HACD2: variants seen among roughly 807,000 people sequenced by gnomAD.
HACD2 encodes the protein 3-hydroxyacyl-CoA dehydratase 2, also known as very-long-chain (3R)-3-hydroxyacyl-CoA dehydratase 2.
Under a neutral mutation model 31.0 loss-of-function variants are expected in HACD2, and 15 were observed. The observed-to-expected ratio is 0.48, with a 90% CI of 0.32 to 0.75. The LOEUF (loss-of-function observed/expected upper bound fraction) is 0.75, where lower values mean the gene tolerates loss of function less well. Among genes scored for constraint, HACD2 ranks in the 30% least tolerant of loss-of-function variants. HACD2 has a pLI of 0.03. For missense variants in HACD2, 283 were observed against 313.0 expected (o/e 0.90, Z 0.72); for synonymous variants, 115 against 122.2 (o/e 0.94, Z 0.39).
intron 4 of HACD2, among the ~76,000 whole-genome samples, chr3:123,507,979 A>C (rs1211693155): frequency 6.6e-6 from 1 of 151,720 alleles, no homozygotes; most frequent in East Asian, 1.9e-4. Context: ...TGTGCAACAT[A>C]GTGAGACCCC....
intron 2 of HACD2, among the ~76,000 whole-genome samples, chr3:123,569,847 G>C (rs1165980008): frequency 1.3e-5 from 2 of 151,770 alleles, no homozygotes; most frequent in Admixed American, 1.3e-4. Flanking sequence ...AAATTAGCTG[G>C]GCATAGTGGC....
At chr3:123,541,385 G>T (rs575782193) in intron 3 of HACD2, among the ~76,000 whole-genome samples, 1 of 152,176 alleles carries the variant, frequency 6.6e-6, no homozygotes, top group Non-Finnish European at 1.5e-5. Context: ...ACCAGCGATC[G>T]CAGGATTTCA....
intron 3 of HACD2, among the ~76,000 whole-genome samples, chr3:123,566,752 C>T (rs559117053): frequency 3.1e-4 from 47 of 152,172 alleles, no homozygotes; most frequent in African/African-American, 1.1e-3. Context: ...CAAAAATTAG[C>T]CAGGCATGGT....
chr3:123,555,476 TA>T (rs11377880), intron 3 of HACD2, among the ~76,000 whole-genome samples: 2 of 150,998 alleles, frequency 1.3e-5, no homozygotes, highest in South Asian at 2.1e-4. Context: ...ATTTTAAAGT[TA>T]AAAAAAAATC....
chr3:123,580,091 A>G (rs1194414232), intron 2 of HACD2, among the ~76,000 whole-genome samples: 5 of 151,622 alleles, frequency 3.3e-5, no homozygotes, highest in Non-Finnish European at 7.4e-5. Context: ...GACACTATTG[A>G]AATTCCTCTG....
intron 2 of HACD2, among the ~76,000 whole-genome samples, chr3:123,581,599 T>C (rs988072645): frequency 6.6e-6 from 1 of 152,244 alleles, no homozygotes; most frequent in African/African-American, 2.4e-5. Context: ...TTCTCATTCC[T>C]GAGCTAGTTT....
At chr3:123,564,388 G>T (rs1274601888) in intron 3 of HACD2, among the ~76,000 whole-genome samples, 2 of 152,160 alleles carry the variant, frequency 1.3e-5, no homozygotes, top group Non-Finnish European at 2.9e-5. Context: ...TAAGGGACAA[G>T]GAAAGAAAGA....
intron 1 of HACD2, among the ~76,000 whole-genome samples, chr3:123,583,719 T>C (rs2056990456): frequency 1.3e-5 from 2 of 152,136 alleles, no homozygotes; most frequent in Non-Finnish European, 2.9e-5. Context: ...ATTTGTCTTA[T>C]TTTAAAAAGG....
At chr3:123,509,933 A>G (rs960029378) in intron 4 of HACD2, among the ~76,000 whole-genome samples, 6 of 152,182 alleles carry the variant, frequency 3.9e-5, no homozygotes, top group Admixed American at 1.3e-4. Flanking sequence ...AAGAACATGT[A>G]TAGGTAGGTT....
At chr3:123,543,537 C>T (rs1337214388) in intron 3 of HACD2, among the ~76,000 whole-genome samples, 1 of 152,132 alleles carries the variant, frequency 6.6e-6, no homozygotes, top group Admixed American at 6.5e-5. Flanking sequence ...TCACTTTCCA[C>T]TGCATACCCT....
chr3:123,506,158 T>C (rs556199986), intron 4 of HACD2, among the ~76,000 whole-genome samples: 3 of 152,382 alleles, frequency 2.0e-5, no homozygotes, highest in Non-Finnish European at 4.4e-5. Flanking sequence ...ATAATCTTCT[T>C]AAAAATAATT....
chr3:123,510,491 GC>G (rs549467376), intron 4 of HACD2, among the ~76,000 whole-genome samples: 1 of 152,144 alleles, frequency 6.6e-6, no homozygotes, highest in African/African-American at 2.4e-5. Context: ...CACATGATCT[GC>G]CCGCCTTGGC....
rs372116002 is a variant in HACD2 at position 123,510,037 on chromosome 3, A to C, written c.382-7356T>G. 3.2e-4 allele frequency among the ~76,000 whole-genome samples: 48 copies of C among 152,306 alleles called. 1 individual carries two copies. The East Asian group carries it at 3.7e-3, about 12-fold the overall frequency. On this transcript the variant is annotated intron_variant, in intron 4 of 6. Coordinates refer to ENST00000383657, the MANE Select transcript of HACD2 (RefSeq NM_198402.5). ...TATCATTTAACAGTTTTAAGTGCAT[A>C]ATTCGTTGGAATTAAGTACATTCAC... is the stretch of plus-strand genomic sequence containing the variant.
intron 3 of HACD2, among the ~76,000 whole-genome samples, chr3:123,559,159 T>C (rs911815162): frequency 3.9e-5 from 6 of 152,224 alleles, no homozygotes; most frequent in Non-Finnish European, 7.3e-5. Flanking sequence ...GTTTCAGCTA[T>C]TGATTAATTA....
chr3:123,569,803 C>A (rs766413815), intron 2 of HACD2, among the ~76,000 whole-genome samples: 2 of 151,854 alleles, frequency 1.3e-5, no homozygotes, highest in Admixed American at 6.6e-5. Flanking sequence ...GCTTGGCCAA[C>A]ATGGTGAAAC....
chr3:123,506,501 C>T (rs554182798), intron 4 of HACD2, among the ~76,000 whole-genome samples: 1 of 152,336 alleles, frequency 6.6e-6, no homozygotes, highest in South Asian at 2.1e-4. Flanking sequence ...CAGCTTCAAC[C>T]TTCAACCTCC....
At chr3:123,577,620 CAA>C (rs35024817) in intron 2 of HACD2, among the ~76,000 whole-genome samples, 75 of 90,422 alleles carry the variant, frequency 8.3e-4, no homozygotes, top group East Asian at 6.4e-3. Context: ...GACTCTGTCT[CAA>C]AAAAAAAAAA....
At chr3:123,503,521 A>G (rs17296876) in intron 4 of HACD2, among the ~76,000 whole-genome samples, 25,818 of 152,010 alleles carry the variant, frequency 0.17, 2,865 homozygotes, top group Non-Finnish European at 0.24. Context: ...GAAAAAAACA[A>G]TAAAGGTTTA....
chr3:123,535,674 A>T (rs1171694071), intron 3 of HACD2, among the ~76,000 whole-genome samples: 5 of 152,204 alleles, frequency 3.3e-5, no homozygotes, highest in Non-Finnish European at 1.5e-5. Context: ...GCAATGGTGA[A>T]GTGGGGGAAG....
Sources: allele counts gnomAD v4.1 joint callset (sites outside exome capture counted in the v4.1 genomes callset), GRCh38; gene constraint gnomAD v4.1.1; transcripts MANE v1.5; gene names NCBI Gene and HGNC (gene_info 2026-07-23, HGNC 2026-07-21).